Variants in EEFSEC observed in about 807,000 individuals in gnomAD.
EEFSEC encodes eukaryotic elongation factor, selenocysteine-tRNA specific.
A neutral mutation model predicts 42.1 loss-of-function variants in EEFSEC; 43 were observed. That is an observed-to-expected ratio of 1.02 (90% confidence interval 0.80 to 1.32). The LOEUF (loss-of-function observed/expected upper bound fraction) is 1.32, where lower values mean the gene tolerates loss of function less well. Ranked by LOEUF, EEFSEC falls within the 40% of genes most tolerant of loss-of-function variation. The pLI is 0.00. For missense variants in EEFSEC, 745 were observed against 803.6 expected (o/e 0.93, Z 0.88); for synonymous variants, 354 against 339.1 (o/e 1.04, Z -0.48).
chr3:128,389,197 G>A (rs1430730940), intron 6 of EEFSEC, among the ~76,000 whole-genome samples: 4 of 152,234 alleles, frequency 2.6e-5, no homozygotes, highest in Admixed American at 6.5e-5. Context: ...AGGGAGCGCA[G>A]ACATCTGGAG....
chr3:128,369,278 T>A (rs1307476621), intron 6 of EEFSEC, among the ~76,000 whole-genome samples: 1 of 152,136 alleles, frequency 6.6e-6, no homozygotes, highest in Non-Finnish European at 1.5e-5. Context: ...AGCCCTGAGG[T>A]TGTGGATATT....
rs147132161 is a variant in EEFSEC, at chr3:128,345,062, G to A, written c.1443+3173G>A. Among the ~76,000 whole-genome samples the A allele has an allele frequency of 1.6e-3, 237 of 152,264 alleles. 2 individuals are homozygous for A. Among genetic ancestry groups the A allele is most frequent in the Non-Finnish European group, 2.5e-3 (173 of 68,016 alleles). ...AGACTGGTCCAATGTGCAAGCCTGG[G>A]CTTTATTTACTCCCAGCCTTACCAC... On this transcript the variant is annotated intron_variant, in intron 5 of 6. Transcript: ENST00000254730.
chr3:128,368,604 C>T (rs896987156), intron 6 of EEFSEC, among the ~76,000 whole-genome samples: 3 of 152,250 alleles, frequency 2.0e-5, no homozygotes, highest in African/African-American at 7.2e-5. Flanking sequence ...CTGAGCCTTG[C>T]TGGTCAGGGC....
intron 1 of EEFSEC, among the ~76,000 whole-genome samples, chr3:128,202,666 A>T (rs2065655280): frequency 2.0e-5 from 3 of 152,142 alleles, no homozygotes; most frequent in Admixed American, 2.0e-4. Context: ...AACTTATTAC[A>T]CTGGCTACAA....
chr3:128,300,352 G>A lies in EEFSEC; in HGVS notation c.786+35571G>A, dbSNP rs189802199. ...GGCGAGGTGGCTCACGCCTGTAATCGCAGCACTTAGGGAGGCTGAGGTGGG... is the reference window on the plus strand; with the variant it reads ...GGCGAGGTGGCTCACGCCTGTAATCACAGCACTTAGGGAGGCTGAGGTGGG... On this transcript the variant is annotated intron_variant, in intron 4 of 6. Coordinates refer to ENST00000254730, the MANE Select transcript of EEFSEC (RefSeq NM_021937.5). Among the ~76,000 whole-genome samples the A allele has an allele frequency of 6.5e-3, 995 of 152,158 alleles. 6 individuals are homozygous for A. Among genetic ancestry groups the A allele is most frequent in the Non-Finnish European group, 0.011 (752 of 67,994 alleles).
intron 6 of EEFSEC, among the ~76,000 whole-genome samples, chr3:128,360,540 G>C (rs1264390671): frequency 6.6e-6 from 1 of 152,190 alleles, no homozygotes; most frequent in Non-Finnish European, 1.5e-5. Flanking sequence ...GACCTCCCCT[G>C]AGCTCCCTTC....
chr3:128,312,398 A>G (rs1195309614), intron 4 of EEFSEC, among the ~76,000 whole-genome samples: 3 of 152,236 alleles, frequency 2.0e-5, no homozygotes, highest in African/African-American at 7.2e-5. Context: ...GTCCTGTCCA[A>G]CTGCTGGCTA....
At chr3:128,375,213 G>C (rs1392871992) in intron 6 of EEFSEC, among the ~76,000 whole-genome samples, 1 of 152,166 alleles carries the variant, frequency 6.6e-6, no homozygotes, top group Non-Finnish European at 1.5e-5. Context: ...TCTTCACAGG[G>C]GCTGCAGACA....
chr3:128,354,234 G>A (rs76013768), intron 5 of EEFSEC, among the ~76,000 whole-genome samples: 2 of 152,146 alleles, frequency 1.3e-5, no homozygotes, highest in Non-Finnish European at 2.9e-5. Flanking sequence ...ACAGAAGTTC[G>A]CAGGAGAGTA....
rs776489736 is a variant in EEFSEC, at chr3:128,246,863, T to C, written c.344T>C (p.Leu115Pro). The C allele has an allele frequency of 4.3e-6, 7 of 1,614,090 alleles. No individual in the cohort carries two copies. The highest frequency in any genetic ancestry group is 5.9e-6 in the Non-Finnish European group (7 of 1,179,958). Residue 115 changes from leucine to proline, a missense_variant, in exon 2 of 7, where the codon CTG becomes CCG. Transcript: ENST00000254730. ...GGAQIIDLMM[L>P]VIDVTKGMQT... ...GCCCAGATCATTGATCTGATGATGC[T>C]GGTCATCGATGTGACCAAGGGGATG... is the stretch of plus-strand genomic sequence containing the variant.
At chr3:128,285,107 A>T (rs138830681) in intron 4 of EEFSEC, among the ~76,000 whole-genome samples, 1 of 151,998 alleles carries the variant, frequency 6.6e-6, no homozygotes, top group African/African-American at 2.4e-5. Flanking sequence ...GTGGGAGAGA[A>T]CAGGCTGGGC....
At chr3:128,283,550 C>A (rs1425119464) in intron 4 of EEFSEC, among the ~76,000 whole-genome samples, 2 of 152,186 alleles carry the variant, frequency 1.3e-5, no homozygotes, top group African/African-American at 4.8e-5. Flanking sequence ...TCTGTGCTTC[C>A]TTCCAGTTCC....
At chr3:128,176,576 G>A (rs149124765) in intron 1 of EEFSEC, among the ~76,000 whole-genome samples, 54 of 152,256 alleles carry the variant, frequency 3.5e-4, no homozygotes, top group African/African-American at 1.1e-3. Context: ...AATATGTGAT[G>A]ACAGGAACTT....
At position 128,313,722 on chromosome 3, in the gene EEFSEC, G is replaced by A. The variant is rs552811420; in HGVS notation, c.787-27511G>A. On this transcript the variant is annotated intron_variant, in intron 4 of 6. Coordinates refer to ENST00000254730, the MANE Select transcript of EEFSEC (RefSeq NM_021937.5). The stretch of plus-strand genomic sequence containing the variant: ...AACTGTTCCCGGGCTCTCATGAGAT[G>A]TGTGAGAAGGCCCCTCATGTGGACA... Among the ~76,000 whole-genome samples, 299 of 152,374 alleles carry A rather than the reference G, an allele frequency of 2.0e-3. 5 individuals are homozygous for A. Among genetic ancestry groups the A allele is most frequent in the African/African-American group, 6.6e-3 (276 of 41,594 alleles).
Position 128,296,812 on chromosome 3 carries a change from C to T in EEFSEC, c.786+32031C>T, listed in dbSNP as rs535881133. Among the ~76,000 whole-genome samples, 4 of 152,366 alleles carry T rather than the reference C, an allele frequency of 2.6e-5. No homozygotes were observed. The East Asian group carries it at 7.7e-4, about 29-fold the overall frequency. ...TCCCAGTTGGCATAGGTGTGGCTTA[C>T]AGTCAGTACTCTGCGTGTGTTGGCC... On this transcript the variant is annotated intron_variant, in intron 4 of 6. Coordinates refer to ENST00000254730, the MANE Select transcript of EEFSEC (RefSeq NM_021937.5).
intron 1 of EEFSEC, among the ~76,000 whole-genome samples, chr3:128,228,436 G>C: frequency 6.6e-6 from 1 of 152,188 alleles, no homozygotes; most frequent in East Asian, 1.9e-4. Flanking sequence ...GTCCTGGGGT[G>C]ATAGAGAGCA....
At position 128,358,306 on chromosome 3, in the gene EEFSEC, C is replaced by G. The variant is rs755497035; in HGVS notation, c.1533C>G (p.Ser511=). 6.2e-6 allele frequency: 10 copies of G among 1,614,226 alleles called. No individual in the cohort carries two copies. Among genetic ancestry groups the G allele is most frequent in the Non-Finnish European group, 8.5e-6 (10 of 1,180,034 alleles). ...TCGTGGGGCTCAAGGTGCACTTGTC[C>G]ACTGGGGAACTGGGCATCATCGACA... ...QLFVGLKVHL[S]TGELGIIDSA... Residue 511 remains serine, a synonymous_variant, in exon 6 of 7, where the codon TCC becomes TCG. Coordinates refer to ENST00000254730, the MANE Select transcript of EEFSEC (RefSeq NM_021937.5).
At chr3:128,334,163 G>A (rs2067164544) in intron 4 of EEFSEC, among the ~76,000 whole-genome samples, 1 of 152,210 alleles carries the variant, frequency 6.6e-6, no homozygotes, top group Non-Finnish European at 1.5e-5. Flanking sequence ...CCACATCTGA[G>A]TCTCGAGGCA....
intron 5 of EEFSEC, 96 bp from the exon 6 acceptor site, chr3:128,358,121 C>T: frequency 6.6e-7 from 1 of 1,517,630 alleles, no homozygotes; most frequent in Non-Finnish European, 8.9e-7. Context: ...CCAGCCATGC[C>T]TAGGGCCCGG....
Sources: allele counts gnomAD v4.1 joint callset (sites outside exome capture counted in the v4.1 genomes callset), GRCh38; gene constraint gnomAD v4.1.1; transcripts MANE v1.5; gene names NCBI Gene and HGNC (gene_info 2026-07-23, HGNC 2026-07-21).